The following DST variants were observed in gnomAD, a reference collection of about 807,000 sequenced individuals.
DST encodes bullous pemphigoid antigen.
A neutral mutation model predicts 875.2 loss-of-function variants in DST; 253 were observed. The ratio of observed to expected loss-of-function variants is 0.29; its 90% CI spans 0.26 to 0.32. DST has a LOEUF of 0.32. Among genes scored for constraint, DST ranks in the 10% least tolerant of loss-of-function variants. The probability of loss-of-function intolerance (pLI) is 1.00; values close to 1 mark genes in which losing one functional copy is unlikely to be tolerated. For synonymous variants in DST, 3,124 were observed against 3,197.1 expected, an observed-to-expected ratio of 0.98 and a Z score of 0.77; for missense variants, 8,287 against 9,111.6, an observed-to-expected ratio of 0.91 and a Z score of 3.68.
intron 3 of DST, among the ~76,000 whole-genome samples, chr6:56,868,038 T>C: frequency 6.6e-6 from 1 of 152,310 alleles, no homozygotes; most frequent in South Asian, 2.1e-4. Flanking sequence ...AAATTCCAAA[T>C]ATTATTATGT....
chr6:56,665,657 T>C (rs940620976), intron 10 of DST, among the ~76,000 whole-genome samples: 1 of 152,104 alleles, frequency 6.6e-6, no homozygotes, highest in Non-Finnish European at 1.5e-5. Flanking sequence ...AATGAAGTCA[T>C]GCCATAAAGA....
Position 56,573,852 on chromosome 6 carries a change from AC to A in DST, c.13062del (p.Lys4354AsnfsTer12). On this transcript the variant is annotated frameshift_variant, in exon 51 of 104. Transcript: ENST00000680361. LOFTEE classifies it high-confidence loss of function. ...DIVGRYEDLS[K>X]SVNERNEKLQ... Reference sequence around the variant, plus strand: ...AGTTTTTCATTTCGTTCATTAACAGACTTGGACAGATCCTCATATCTCCCAA... The same window carrying A: ...AGTTTTTCATTTCGTTCATTAACAGATTGGACAGATCCTCATATCTCCCAA... 6.2e-7 allele frequency: 1 copy of A among 1,613,312 alleles called. No homozygotes were observed. Among genetic ancestry groups the A allele is most frequent in the Non-Finnish European group, 8.5e-7 (1 of 1,179,550 alleles).
At chr6:56,851,646 T>C (rs1306390034) in intron 3 of DST, 42 bp from the exon 4 acceptor site, 3 of 1,590,416 alleles carry the variant, frequency 1.9e-6, no homozygotes, top group Non-Finnish European at 2.6e-6. Context: ...AGCAAAATAC[T>C]CACATATGCT....
chr6:56,829,827 G>A (rs1451189524), intron 4 of DST, among the ~76,000 whole-genome samples: 5 of 151,980 alleles, frequency 3.3e-5, no homozygotes, highest in Non-Finnish European at 1.5e-5. Context: ...AATTAAGGCA[G>A]GTATAACAGG....
rs188917367 is a variant in DST, at chr6:56,698,516, C to T, written c.1047+1137G>A. ...AATTTTTTGTATTTCTTAGTAGAGA[C>T]GGGGTTTCACCCGTTAGCTAGGATG... is the stretch of plus-strand genomic sequence containing the variant. On this transcript the variant is annotated intron_variant, in intron 9 of 103. Transcript: ENST00000680361. Among the ~76,000 whole-genome samples, 78 of 152,202 alleles carry T rather than the reference C, an allele frequency of 5.1e-4. 2 individuals carry two copies. In the East Asian group the frequency reaches 6.4e-3, roughly 12 times the overall value.
chr6:56,870,332 G>T (rs1346144257), intron 3 of DST, among the ~76,000 whole-genome samples: 1 of 148,848 alleles, frequency 6.7e-6, no homozygotes, highest in East Asian at 2.0e-4. Context: ...CAATGATCGG[G>T]ATATAAACCC....
In DST at chr6:56,904,355, T is replaced by G. The variant is rs139924248; in HGVS notation, c.217-3734A>C. On this transcript the variant is annotated intron_variant, in intron 2 of 103. Transcript: ENST00000680361. ...CAAATATAATACCAGCTCTATTACT[T>G]ACTAGGTGTGTGGTCTTGGCTAAAT... Among the ~76,000 whole-genome samples the G allele has an allele frequency of 1.4e-4, 21 of 152,322 alleles. No individual in the cohort carries two copies. In the South Asian group the frequency reaches 2.7e-3, roughly 20 times the overall value.
chr6:56,461,676 T>C (rs999953321), intron 102 of DST: 5 of 152,206 alleles, frequency 3.3e-5, no homozygotes, highest in African/African-American at 1.2e-4. Context: ...TACTTAGACT[T>C]TGAGAGAGTT....
chr6:56,525,296 T>A (rs895708583), intron 69 of DST, among the ~76,000 whole-genome samples: 1 of 152,146 alleles, frequency 6.6e-6, no homozygotes, highest in East Asian at 1.9e-4. Context: ...CATTTTCCTA[T>A]AAAAATGAGG....
At chr6:56,490,591 C>CTTTAATCAATTAAAGTTGT (rs2095704709) in intron 85 of DST, among the ~76,000 whole-genome samples, 10 of 152,114 alleles carry the variant, frequency 6.6e-5, no homozygotes, top group Admixed American at 6.5e-4. Flanking sequence ...CCTCTCACAA[C>CTTTAATCAATTAAAGTTGT]TTTAATCAAT....
intron 7 of DST, 22 bp from the exon 8 acceptor site, chr6:56,701,987 T>C: frequency 6.7e-7 from 1 of 1,498,880 alleles, no homozygotes; most frequent in Non-Finnish European, 9.3e-7. Flanking sequence ...AAAATGCAGG[T>C]ATGAAAAAGA....
At chr6:56,555,081 C>A (rs1220773186) in intron 60 of DST, among the ~76,000 whole-genome samples, 1 of 152,102 alleles carries the variant, frequency 6.6e-6, no homozygotes, top group Non-Finnish European at 1.5e-5. Context: ...TTTTTAAAAA[C>A]CAGTTTGGGG....
At chr6:56,718,075 TTAAATAAATAAA>T (rs58579678) in intron 5 of DST, among the ~76,000 whole-genome samples, 2 of 151,276 alleles carry the variant, frequency 1.3e-5, no homozygotes, top group Admixed American at 6.6e-5. Context: ...AAACCTTGTC[TTAAATAAATAAA>T]TAAATAAATA....
intron 2 of DST, among the ~76,000 whole-genome samples, chr6:56,951,394 G>T (rs944009113): frequency 6.6e-6 from 1 of 152,098 alleles, no homozygotes; most frequent in African/African-American, 2.4e-5. Flanking sequence ...ATATTTTCTT[G>T]AATAATTATT....
intron 9 of DST, among the ~76,000 whole-genome samples, chr6:56,673,588 GA>G (rs1323741504): frequency 6.6e-6 from 1 of 152,214 alleles, no homozygotes; most frequent in Non-Finnish European, 1.5e-5. Flanking sequence ...TTAGAGGTCT[GA>G]AAATAGCCTA....
chr6:56,897,239 A>G (rs1214553259), intron 3 of DST, among the ~76,000 whole-genome samples: 1 of 150,184 alleles, frequency 6.7e-6, no homozygotes, highest in Non-Finnish European at 1.5e-5. Context: ...TTATCACTTT[A>G]TAATAAGGAA....
intron 66 of DST, 99 bp downstream of exon 66, chr6:56,529,349 T>C: frequency 9.7e-7 from 1 of 1,035,720 alleles, no homozygotes; most frequent in Non-Finnish European, 1.3e-6. Flanking sequence ...CAGCAATTCA[T>C]CGAAATCATC....
Position 56,625,232 on chromosome 6 carries a change from G to T in DST, c.4755C>A (p.Ala1585=). The T allele has an allele frequency of 3.7e-6, 6 of 1,613,120 alleles. No individual in the cohort carries two copies. The highest frequency in any genetic ancestry group is 5.1e-6 in the Non-Finnish European group (6 of 1,179,316). The stretch of plus-strand genomic sequence containing the variant: ...GAGATTTTTGTTGTGAATCTACCAT[G>T]GCCCGGTAGGTCATTGTTTGTAATT... ...DYELQTMTYR[A]MVDSQQKSPV... The change falls in exon 35 of 104, where the codon GCC becomes GCA. Residue 1585 remains alanine, a synonymous_variant. Transcript: ENST00000680361.
intron 4 of DST, chr6:56,843,729 AGAGTG>A (rs2099803619): frequency 1.5e-5 from 1 of 66,278 alleles, no homozygotes. Flanking sequence ...TGGAGGGTGG[AGAGTG>A]GAGGGTGGAG....
Sources: allele counts gnomAD v4.1 joint callset (sites outside exome capture counted in the v4.1 genomes callset), GRCh38; gene constraint gnomAD v4.1.1; transcripts MANE v1.5; gene names NCBI Gene and HGNC (gene_info 2026-07-23, HGNC 2026-07-21).